The following STX6 variants were observed in gnomAD, a reference collection of about 807,000 sequenced individuals.
The protein encoded by STX6 is syntaxin-6.
STX6 carries 23 observed loss-of-function variants against 38.0 expected under a neutral mutation model. The ratio of observed to expected loss-of-function variants is 0.60; its 90% CI spans 0.43 to 0.86. The LOEUF (loss-of-function observed/expected upper bound fraction) is 0.86. STX6 is among the 40% of genes least tolerant of loss of function. STX6 has a pLI of 0.00. For missense variants in STX6, 274 were observed against 312.9 expected, an observed-to-expected ratio of 0.88 and a Z score of 0.94; for synonymous variants, 123 against 107.5, an observed-to-expected ratio of 1.14 and a Z score of -0.89.
At chr1:181,011,313 C>G (rs1276708163) in intron 1 of STX6, among the ~76,000 whole-genome samples, 1 of 152,178 alleles carries the variant, frequency 6.6e-6, no homozygotes, top group Non-Finnish European at 1.5e-5. Flanking sequence ...CAGGGAATCC[C>G]ATCTCAATAG....
At chr1:180,987,188 AT>A (rs769749543) in intron 6 of STX6, among the ~76,000 whole-genome samples, 3 of 151,992 alleles carry the variant, frequency 2.0e-5, no homozygotes, top group Admixed American at 6.6e-5. Context: ...TCACAGGTGC[AT>A]TTTCTTCCTC....
intron 3 of STX6, among the ~76,000 whole-genome samples, chr1:180,999,801 G>A (rs893815027): frequency 6.6e-6 from 1 of 152,132 alleles, no homozygotes; most frequent in Admixed American, 6.5e-5. Flanking sequence ...ACTAGTAATA[G>A]TAACAGAAGA....
chr1:180,996,435 A>C (rs183407434), intron 3 of STX6, among the ~76,000 whole-genome samples: 1 of 152,330 alleles, frequency 6.6e-6, no homozygotes, highest in Non-Finnish European at 1.5e-5. Context: ...CTGGTAATCA[A>C]AGAAGTGTAG....
In STX6 at chr1:181,017,089, C is replaced by A. The variant is rs546158750; in HGVS notation, c.35+5550G>T. Among the ~76,000 whole-genome samples the A allele has an allele frequency of 4.5e-4, 58 of 129,742 alleles. 1 individual carries two copies. The East Asian group carries it at 0.014, about 31-fold the overall frequency. The allele number at this position is 129,742 out of a possible 152,430, so 85.1% of individuals were successfully genotyped here. On this transcript the variant is annotated intron_variant, in intron 1 of 7. Transcript: ENST00000258301. ...TCTGTCTCAAAAACAAACAAACAAA[C>A]AAAAAAACCATCCTCGGCTGGGCGC...
At chr1:181,008,801 C>T (rs1656311287) in intron 1 of STX6, among the ~76,000 whole-genome samples, 1 of 131,334 alleles carries the variant, frequency 7.6e-6, no homozygotes. Context: ...ATTTATTTTC[C>T]ATGAAGTGAC....
At chr1:181,010,633 CTT>C (rs1000193783) in intron 1 of STX6, among the ~76,000 whole-genome samples, 1 of 151,708 alleles carries the variant, frequency 6.6e-6, no homozygotes, top group African/African-American at 2.4e-5. Context: ...GAATATGACT[CTT>C]TTTTTTCTTT....
intron 1 of STX6, among the ~76,000 whole-genome samples, chr1:181,015,037 A>C (rs113959808): frequency 1.7e-4 from 26 of 152,044 alleles, no homozygotes; most frequent in African/African-American, 6.0e-4. Context: ...ATTTGCTTGA[A>C]ACTCTCACTT....
chr1:181,022,410 C>T (rs1656764014), intron 1 of STX6, among the ~76,000 whole-genome samples: 1 of 152,098 alleles, frequency 6.6e-6, no homozygotes, highest in African/African-American at 2.4e-5. Flanking sequence ...CCAAAAAGGG[C>T]CCCCCACCAC....
intron 3 of STX6, among the ~76,000 whole-genome samples, chr1:181,001,619 C>T (rs1012008703): frequency 4.6e-5 from 7 of 152,106 alleles, no homozygotes; most frequent in Non-Finnish European, 8.8e-5. Flanking sequence ...ATTCAGATGG[C>T]GGAAGAGGCC....
intron 1 of STX6, among the ~76,000 whole-genome samples, chr1:181,011,638 T>C (rs1656404245): frequency 6.6e-6 from 1 of 152,250 alleles, no homozygotes; most frequent in Admixed American, 6.5e-5. Flanking sequence ...AGTCAATTCA[T>C]AAAACAGTAA....
At chr1:181,017,028 C>A (rs1045752954) in intron 1 of STX6, among the ~76,000 whole-genome samples, 2 of 150,236 alleles carry the variant, frequency 1.3e-5, no homozygotes, top group African/African-American at 4.9e-5. Flanking sequence ...AGCCAAGACG[C>A]GCCACTGCAC....
chr1:180,975,413 T>A lies in STX6; in HGVS notation c.*1157A>T, dbSNP rs1396759807. 1.3e-5 allele frequency: 2 copies of A among 152,566 alleles called. No individual in the cohort carries two copies. The highest frequency in any genetic ancestry group is 4.8e-5 in the African/African-American group (2 of 41,400). 9.5% of individuals were successfully genotyped at this position (152,566 alleles called of 1,614,324 possible). ...CAGCTACTTAAACTCAATTAAAGCA[T>A]CTATCATTTAAATTTGGATTGGCTC... On this transcript the variant is annotated 3_prime_UTR_variant, in exon 8 of 8. Coordinates refer to ENST00000258301, the MANE Select transcript of STX6 (RefSeq NM_005819.6).
chr1:180,985,540 G>A (rs994335992), intron 6 of STX6, among the ~76,000 whole-genome samples: 6 of 152,238 alleles, frequency 3.9e-5, no homozygotes, highest in African/African-American at 1.4e-4. Flanking sequence ...GATGGGGTGT[G>A]TGACAGTGTG....
intron 1 of STX6, among the ~76,000 whole-genome samples, chr1:181,012,618 G>A (rs1184265401): frequency 6.6e-6 from 1 of 151,118 alleles, no homozygotes; most frequent in East Asian, 1.9e-4. Context: ...TTTGAAGAAT[G>A]CATCTTTTGG....
At chr1:180,999,707 C>T (rs990994347) in intron 3 of STX6, among the ~76,000 whole-genome samples, 6 of 150,408 alleles carry the variant, frequency 4.0e-5, no homozygotes, top group African/African-American at 9.7e-5. Flanking sequence ...ACTCCCCTGC[C>T]TACAAAAGAG....
chr1:181,000,390 G>C (rs573535634), intron 3 of STX6, among the ~76,000 whole-genome samples: 2 of 152,336 alleles, frequency 1.3e-5, no homozygotes, highest in African/African-American at 4.8e-5. Flanking sequence ...CATGGCAGAA[G>C]GAGAAGCAAG....
chr1:180,973,684 T>C lies in STX6; in HGVS notation c.*2886A>G, dbSNP rs1655178743. 1 of 152,730 alleles carries C rather than the reference T, an allele frequency of 6.5e-6. No homozygotes were observed. The highest frequency in any genetic ancestry group is 6.5e-5 in the Admixed American group (1 of 15,294). The allele number at this position is 152,730 out of a possible 1,614,324, so 9.5% of individuals were successfully genotyped here. A position where few individuals can be genotyped will look rare whatever the true frequency, so the allele number is the denominator to read the frequency against. ...GCTGCAACCTGCATTTGCCACACAG[T>C]CCAGGGCATATAGAGCATTGTGATT... On this transcript the variant is annotated 3_prime_UTR_variant, in exon 8 of 8. Transcript: ENST00000258301.
At chr1:180,998,338 C>T (rs1236850146) in intron 3 of STX6, among the ~76,000 whole-genome samples, 1 of 152,286 alleles carries the variant, frequency 6.6e-6, no homozygotes, top group East Asian at 1.9e-4. Flanking sequence ...TATGTGACCA[C>T]CACCACCGCG....
intron 7 of STX6, among the ~76,000 whole-genome samples, chr1:180,978,445 A>AAAAC (rs748767358): frequency 1.4e-4 from 21 of 152,312 alleles, no homozygotes; most frequent in African/African-American, 4.8e-4. Flanking sequence ...TCTGAGATGA[A>AAAAC]AAACAAACAA....
Sources: allele counts gnomAD v4.1 joint callset (sites outside exome capture counted in the v4.1 genomes callset), GRCh38; gene constraint gnomAD v4.1.1; transcripts MANE v1.5; gene names NCBI Gene and HGNC (gene_info 2026-07-23, HGNC 2026-07-21).